DCTN2: variants seen among roughly 807,000 people sequenced by gnomAD.
The protein encoded by DCTN2 is dynactin subunit 2, also known as 50 kDa dynein-associated polypeptide.
DCTN2 carries 18 observed loss-of-function variants against 55.4 expected under a neutral mutation model. The observed-to-expected ratio is 0.32, with a 90% CI of 0.22 to 0.48. The LOEUF (loss-of-function observed/expected upper bound fraction) is 0.48. DCTN2 is among the 20% of genes least tolerant of loss of function. The pLI is 0.99. For missense variants in DCTN2, 390 were observed against 491.0 expected (o/e 0.79, Z 1.94); for synonymous variants, 168 against 185.2 (o/e 0.91, Z 0.76).
intron 5 of DCTN2, chr12:57,534,854 C>A: frequency 2.0e-6 from 1 of 489,524 alleles, no homozygotes; most frequent in Non-Finnish European, 3.6e-6. Context: ...TTTTTTAGTA[C>A]AGATGGGGTT....
In DCTN2 at chr12:57,534,016, G is replaced by C. The variant is rs748203890; in HGVS notation, c.606C>G (p.Ser202Arg). The change falls in exon 7 of 14, where the codon AGC becomes AGG. Residue 202 changes from serine (S) to arginine (R), a missense_variant. This residue lies in a region of DCTN2 where 273 missense variants were observed against 303.2 expected (regional missense o/e 0.90). Coordinates refer to ENST00000548249, the MANE Select transcript of DCTN2 (RefSeq NM_001261413.2). ...GGKTTGTPPD[S>R]SLVTYELHSR... ...AATGTAGTTCATAAGTGACAAGGCT[G>C]CTATCTGGGGGGGTCCCAGTGGTTT... 1.9e-6 allele frequency: 3 copies of C among 1,613,660 alleles called. No homozygotes were observed. The highest frequency in any genetic ancestry group is 4.5e-5 in the East Asian group (2 of 44,866).
At chr12:57,534,905 G>A (rs1226562963) in intron 5 of DCTN2, 151 bp downstream of exon 5, 2 of 597,770 alleles carry the variant, frequency 3.3e-6, no homozygotes, top group Non-Finnish European at 5.8e-6. Flanking sequence ...CCTGACCTCA[G>A]GTGATCCGCC....
chr12:57,540,341 G>A (rs75567496), intron 2 of DCTN2, among the ~76,000 whole-genome samples: 2,942 of 152,306 alleles, frequency 0.019, 48 homozygotes, highest in Non-Finnish European at 0.032. Flanking sequence ...AGGAAAAGTG[G>A]TATATTAGTT....
intron 5 of DCTN2, among the ~76,000 whole-genome samples, chr12:57,534,795 T>C (rs944950344): frequency 2.0e-5 from 3 of 152,100 alleles, no homozygotes; most frequent in Non-Finnish European, 4.4e-5. Flanking sequence ...GCCTCCCGAG[T>C]AGCTGGGATT....
intron 5 of DCTN2, among the ~76,000 whole-genome samples, chr12:57,534,760 G>A (rs986133120): frequency 5.3e-5 from 8 of 152,126 alleles, no homozygotes; most frequent in Non-Finnish European, 1.0e-4. Flanking sequence ...CTCCGCCTCC[G>A]AGTTCAAGCA....
rs1879566912 is a variant in DCTN2, at chr12:57,530,513, A to G, written c.*176T>C. ...TTCTGATGATAACCAACCCCTAGCT[A>G]CCACTCTGTATTCATCAGGGGAGGG... On this transcript the variant is annotated 3_prime_UTR_variant, in exon 14 of 14. Transcript: ENST00000548249. 9.4e-6 allele frequency: 5 copies of G among 530,392 alleles called. No homozygotes were observed. In the East Asian group the frequency reaches 1.5e-4, roughly 16 times the overall value. The allele number at this position is 530,392 out of a possible 1,614,324, so 32.9% of individuals were successfully genotyped here.
rs1173110104 is a variant in DCTN2, at chr12:57,532,204, G to A, written c.1027+9C>T. The A allele has an allele frequency of 6.4e-7, 1 of 1,553,260 alleles. No individual in the cohort carries two copies. The highest frequency in any genetic ancestry group is 8.7e-7 in the Non-Finnish European group (1 of 1,147,810). ...CTTCTCTTAGCACTCCTGGCAGCTG[G>A]CCTCCCACCTTGCTCGTGCAGCTGC... On this transcript the variant is annotated intron_variant, in intron 12 of 13. Transcript: ENST00000548249.
At chr12:57,538,444 G>C in intron 2 of DCTN2, 3 of 735,568 alleles carry the variant, frequency 4.1e-6, no homozygotes, top group Non-Finnish European at 7.5e-6. Context: ...ATTTAGTAGA[G>C]TCTAAAGGAC....
rs115377300 is a variant in DCTN2 at position 57,541,732 on chromosome 12, G to A, written c.105+4296C>T. Among the ~76,000 whole-genome samples, 814 of 152,322 alleles carry A rather than the reference G, an allele frequency of 5.3e-3. 9 individuals carry two copies. The highest frequency in any genetic ancestry group is 0.018 in the African/African-American group (756 of 41,572). ...CAGAAAGCCTCACTGACCCAAGGCA[G>A]GCTGTGGGCCCAGGGGTTAGGGTCG... On this transcript the variant is annotated intron_variant, in intron 2 of 13. Transcript: ENST00000548249.
chr12:57,542,869 A>C lies in DCTN2; in HGVS notation c.105+3159T>G, dbSNP rs764856518. On this transcript the variant is annotated intron_variant, in intron 2 of 13. Transcript: ENST00000548249. ...CCCCTGAAAGGTTCCACAAGAGTCT[A>C]TCCATATTGGTTGTCTCTAGGGAAG... 75 of 456,010 alleles carry C rather than the reference A, an allele frequency of 1.6e-4. No individual in the cohort carries two copies. The Admixed American group carries it at 1.8e-3, about 11-fold the overall frequency. 28.2% of individuals were successfully genotyped at this position (456,010 alleles called of 1,614,324 possible).
intron 5 of DCTN2, chr12:57,534,842 AT>A (rs575411951): frequency 4.4e-6 from 2 of 457,364 alleles, no homozygotes; most frequent in South Asian, 2.6e-5. Flanking sequence ...AAGTTTTTGT[AT>A]TTTTTTAGTA....
intron 2 of DCTN2, chr12:57,538,269 C>T: frequency 3.4e-6 from 2 of 596,042 alleles, no homozygotes; most frequent in South Asian, 3.1e-5. Flanking sequence ...CTGGCATCCT[C>T]TGGAGCCTCT....
chr12:57,535,859 T>C lies in DCTN2; in HGVS notation c.106-14A>G, dbSNP rs1565679733. 4 of 1,603,220 alleles carry C rather than the reference T, an allele frequency of 2.5e-6. No individual in the cohort carries two copies. The highest frequency in any genetic ancestry group is 3.4e-6 in the Non-Finnish European group (4 of 1,172,676). On this transcript the variant is annotated splice_polypyrimidine_tract_variant and intron_variant, in intron 2 of 13. Transcript: ENST00000548249. ...TGTCAGCTCCTCCTGCAAGAACAGG[T>C]AGTTTAGGCCAGGGACACACTCATT...
At chr12:57,543,702 C>G in intron 2 of DCTN2, 3 of 964,698 alleles carry the variant, frequency 3.1e-6, no homozygotes, top group Non-Finnish European at 3.7e-6. Flanking sequence ...GGTCTGCCCA[C>G]CCCATTCCTC....
At chr12:57,540,837 T>A (rs1466001472) in intron 2 of DCTN2, among the ~76,000 whole-genome samples, 1 of 152,228 alleles carries the variant, frequency 6.6e-6, no homozygotes, top group Non-Finnish European at 1.5e-5. Context: ...CAATTGCATA[T>A]AAACCTCCTT....
At chr12:57,546,643 T>C (rs1350162095) in intron 1 of DCTN2, among the ~76,000 whole-genome samples, 1 of 151,950 alleles carries the variant, frequency 6.6e-6, no homozygotes, top group Admixed American at 6.5e-5. Context: ...ACCTCTTCCT[T>C]GGCAGGATGA....
At position 57,530,712 on chromosome 12, in the gene DCTN2, G is replaced by T. The variant is rs374783640; in HGVS notation, c.1183C>A (p.Arg395=). The T allele has an allele frequency of 2.4e-5, 39 of 1,613,744 alleles. 1 individual carries two copies. The Admixed American group carries it at 4.5e-4, about 19-fold the overall frequency. The change falls in exon 14 of 14, where the codon CGG becomes AGG. Residue 395 remains arginine (R), a synonymous_variant. Coordinates refer to ENST00000548249, the MANE Select transcript of DCTN2 (RefSeq NM_001261413.2). ...VEGNFASIDE[R]MKKLGK The stretch of plus-strand genomic sequence containing the variant: ...GCTCACTTTCCCAGCTTCTTCATCC[G>T]TTCATCAATGCTGGCAAAGTTCCCC...
intron 2 of DCTN2, among the ~76,000 whole-genome samples, chr12:57,540,904 T>C (rs1880639118): frequency 6.6e-6 from 1 of 152,212 alleles, no homozygotes; most frequent in Non-Finnish European, 1.5e-5. Flanking sequence ...AAAATGAGTT[T>C]TTCCCAGAGA....
rs1879589127 is a variant in DCTN2, at chr12:57,530,649, G to A, written c.*40C>T. 6.5e-7 allele frequency: 1 copy of A among 1,543,612 alleles called. No homozygotes were observed. Among genetic ancestry groups the A allele is most frequent in the African/African-American group, 1.4e-5 (1 of 73,378 alleles). ...ATGTAAGCTGTTAACAGAGTTCACA[G>A]GGGTAGGGATAACCCCTGTTCTCCA... On this transcript the variant is annotated 3_prime_UTR_variant, in exon 14 of 14. Transcript: ENST00000548249.
Sources: allele counts gnomAD v4.1 joint callset (sites outside exome capture counted in the v4.1 genomes callset), GRCh38; gene constraint gnomAD v4.1.1; regional missense constraint gnomAD v4.1.1; transcripts MANE v1.5; gene names NCBI Gene and HGNC (gene_info 2026-07-23, HGNC 2026-07-21).